Variants in SHC4 observed in about 807,000 individuals in gnomAD.
SHC4 encodes the protein SHC-transforming protein 4.
In SHC4, 41 loss-of-function variants were observed where a neutral mutation model predicts 69.4. The ratio of observed to expected loss-of-function variants is 0.59; its 90% confidence interval spans 0.46 to 0.77. The LOEUF (loss-of-function observed/expected upper bound fraction) is 0.77. SHC4 is among the 30% of genes least tolerant of loss of function. The probability of loss-of-function intolerance (pLI) is 0.00; values close to 1 mark genes in which losing one functional copy is unlikely to be tolerated. For synonymous variants in SHC4, 318 were observed against 299.3 expected, an observed-to-expected ratio of 1.06 and a Z score of -0.64; for missense variants, 777 against 783.8, an observed-to-expected ratio of 0.99 and a Z score of 0.10.
intron 1 of SHC4, 71 bp from the exon 2 acceptor site, chr15:48,925,020 A>G (rs1286774877): frequency 2.6e-6 from 4 of 1,520,664 alleles, no homozygotes; most frequent in Middle Eastern, 1.7e-4. Context: ...CTTCACGGCA[A>G]CTTCCTGGGA....
chr15:48,828,832 CA>C (rs1319202861), intron 11 of SHC4, among the ~76,000 whole-genome samples: 1 of 152,132 alleles, frequency 6.6e-6, no homozygotes, highest in African/African-American at 2.4e-5. Flanking sequence ...TCTATTCATT[CA>C]AGTCCTTTGC....
chr15:48,863,822 C>T (rs1194383031), intron 6 of SHC4, among the ~76,000 whole-genome samples: 2 of 152,078 alleles, frequency 1.3e-5, no homozygotes, highest in East Asian at 3.9e-4. Context: ...TTGCCATGTT[C>T]TTTTGTGTGC....
At chr15:48,898,206 C>T (rs1900258514) in intron 2 of SHC4, among the ~76,000 whole-genome samples, 1 of 152,132 alleles carries the variant, frequency 6.6e-6, no homozygotes, top group African/African-American at 2.4e-5. Context: ...TTAAAGACAT[C>T]CAAGAATTTG....
chr15:48,949,105 C>T (rs1350912104), intron 1 of SHC4, among the ~76,000 whole-genome samples: 1 of 152,122 alleles, frequency 6.6e-6, no homozygotes, highest in African/African-American at 2.4e-5. Context: ...GGCGCGGTGG[C>T]TCACGCCTGT....
chr15:48,944,791 T>C (rs888410068), intron 1 of SHC4, among the ~76,000 whole-genome samples: 3 of 152,194 alleles, frequency 2.0e-5, no homozygotes, highest in African/African-American at 7.2e-5. Flanking sequence ...TGAAAAGGTT[T>C]CTTACTCGAA....
intron 11 of SHC4, among the ~76,000 whole-genome samples, chr15:48,827,536 T>C (rs2140961858): frequency 6.6e-6 from 1 of 152,230 alleles, no homozygotes; most frequent in East Asian, 1.9e-4. Flanking sequence ...CACTCTGCCT[T>C]CTTCTTTGTA....
At chr15:48,892,378 T>C (rs1225586671) in intron 2 of SHC4, among the ~76,000 whole-genome samples, 1 of 152,172 alleles carries the variant, frequency 6.6e-6, no homozygotes, top group Non-Finnish European at 1.5e-5. Flanking sequence ...AACCAAAGGA[T>C]AGAATGGATC....
In SHC4 at chr15:48,859,600, T is replaced by C. The variant is rs1475732463; in HGVS notation, c.947-1785A>G. ...GTAGCTTTACTTAGTGACCAACAGA[T>C]AGAAAATGCTCTAAACATATTTGTT... On this transcript the variant is annotated intron_variant, in intron 6 of 11. Transcript: ENST00000332408. Among the ~76,000 whole-genome samples, 7 of 152,176 alleles carry C rather than the reference T, an allele frequency of 4.6e-5. No homozygotes were observed. The East Asian group carries it at 1.2e-3, about 25-fold the overall frequency.
intron 5 of SHC4, 78 bp downstream of exon 5, chr15:48,872,011 T>G: frequency 1.1e-6 from 1 of 893,824 alleles, no homozygotes; most frequent in Non-Finnish European, 1.8e-6. Context: ...AAAGTTATTT[T>G]ATTTTATTAT....
chr15:48,839,654 G>A (rs1440992522), intron 10 of SHC4, among the ~76,000 whole-genome samples: 4 of 152,196 alleles, frequency 2.6e-5, no homozygotes, highest in African/African-American at 9.7e-5. Context: ...GTGAATGTGA[G>A]TTTCTACTGC....
At chr15:48,881,587 A>T (rs1007613300) in intron 4 of SHC4, among the ~76,000 whole-genome samples, 6 of 152,132 alleles carry the variant, frequency 3.9e-5, no homozygotes, top group Non-Finnish European at 8.8e-5. Context: ...AGACTAAAGG[A>T]TGTCTCAATT....
intron 1 of SHC4, among the ~76,000 whole-genome samples, chr15:48,952,375 G>T (rs1328501884): frequency 6.6e-6 from 1 of 152,102 alleles, no homozygotes; most frequent in African/African-American, 2.4e-5. Context: ...TTGTAAATTA[G>T]TTGTTAAAAA....
intron 2 of SHC4, among the ~76,000 whole-genome samples, chr15:48,902,707 C>T (rs990067285): frequency 2.0e-5 from 3 of 152,066 alleles, no homozygotes; most frequent in East Asian, 3.9e-4. Flanking sequence ...GCCTGGTCCC[C>T]GTACCTCAAT....
At chr15:48,910,872 T>C (rs1900497056) in intron 2 of SHC4, among the ~76,000 whole-genome samples, 1 of 152,176 alleles carries the variant, frequency 6.6e-6, no homozygotes, top group Non-Finnish European at 1.5e-5. Context: ...ATTTGCAGGG[T>C]TTTGAAGGTT....
intron 11 of SHC4, among the ~76,000 whole-genome samples, chr15:48,826,980 T>C (rs765915447): frequency 6.6e-6 from 1 of 152,206 alleles, no homozygotes; most frequent in East Asian, 1.9e-4. Flanking sequence ...AATTCAATTT[T>C]CTTATGGCAT....
intron 2 of SHC4, among the ~76,000 whole-genome samples, chr15:48,900,206 C>T (rs1164858943): frequency 1.3e-5 from 2 of 152,056 alleles, no homozygotes; most frequent in African/African-American, 4.8e-5. Flanking sequence ...TTCTCATCTC[C>T]TAAAGAAGAA....
chr15:48,890,560 G>A (rs1335557576), intron 3 of SHC4, among the ~76,000 whole-genome samples, 188 bp downstream of exon 3: 1 of 152,088 alleles, frequency 6.6e-6, no homozygotes, highest in Non-Finnish European at 1.5e-5. Context: ...TCACCACGTC[G>A]GACAGTGTCA....
At chr15:48,869,889 T>C (rs2140992149) in intron 5 of SHC4, among the ~76,000 whole-genome samples, 1 of 152,284 alleles carries the variant, frequency 6.6e-6, no homozygotes, top group East Asian at 1.9e-4. Context: ...ATGCAGCAGG[T>C]ACAAACTTTC....
Position 48,955,026 on chromosome 15 carries a change from C to T in SHC4, c.585+7405G>A, listed in dbSNP as rs537227236. Among the ~76,000 whole-genome samples the T allele has an allele frequency of 1.5e-4, 23 of 152,272 alleles. No homozygotes were observed. In the South Asian group the frequency reaches 4.8e-3, roughly 32 times the overall value. ...AGCCTGTACTAATCCTAGAGTTCTACCACCCTTAAAAACTCTTTGCAACAT... is the reference window on the plus strand; with the variant it reads ...AGCCTGTACTAATCCTAGAGTTCTATCACCCTTAAAAACTCTTTGCAACAT... On this transcript the variant is annotated intron_variant, in intron 1 of 11. Transcript: ENST00000332408.
Sources: gnomAD v4.1 joint callset for allele counts (sites outside exome capture counted in the v4.1 genomes callset) on GRCh38, gnomAD v4.1.1 for gene constraint, MANE v1.5 for transcripts, NCBI Gene and HGNC (gene_info 2026-07-23, HGNC 2026-07-21) for gene names.